Variants in DOCK3 observed in about 807,000 individuals in gnomAD.
The protein encoded by DOCK3 is dedicator of cytokinesis 3, also known as dedicator of cytokinesis protein 3.
A neutral mutation model predicts 265.6 loss-of-function variants in DOCK3; 60 were observed. That is an observed-to-expected ratio of 0.23 (90% CI 0.18 to 0.28). DOCK3 has a LOEUF of 0.28. DOCK3 is among the 10% of genes least tolerant of loss of function. The pLI is 1.00. For missense variants in DOCK3, 1,981 were observed against 2,594.3 expected (o/e 0.76, Z 5.14); for synonymous variants, 881 against 938.0 (o/e 0.94, Z 1.11).
chr3:50,797,720 T>TG (rs2042865112), intron 2 of DOCK3, among the ~76,000 whole-genome samples: 1 of 152,212 alleles, frequency 6.6e-6, no homozygotes. Flanking sequence ...CCATTTTAAC[T>TG]GGGGGTGAGA....
Position 51,381,376 on chromosome 3 carries a change from G to T in DOCK3, c.5910G>T (p.Pro1970=), listed in dbSNP as rs368779613. Residue 1970 remains proline (P), a synonymous_variant, in exon 53 of 53, where the codon CCG becomes CCT. Transcript: ENST00000266037. The surrounding 1 kb of genome is among the most constrained non-coding windows in gnomAD (Gnocchi z 5.6). ...GCVIPQDPMD[P]PALPPKPYHP... The stretch of plus-strand genomic sequence containing the variant: ...TCATCCCTCAGGACCCCATGGACCC[G>T]CCTGCGCTGCCGCCCAAGCCCTACC... The T allele has an allele frequency of 3.7e-6, 6 of 1,612,668 alleles. No individual in the cohort carries two copies. In the Admixed American group the frequency reaches 6.7e-5, roughly 18 times the overall value.
At chr3:50,794,102 T>G (rs1285572760) in intron 2 of DOCK3, among the ~76,000 whole-genome samples, 1 of 152,192 alleles carries the variant, frequency 6.6e-6, no homozygotes, top group Non-Finnish European at 1.5e-5. Context: ...ACAGAGTGGT[T>G]GTTATGATTT....
chr3:50,987,687 C>G (rs2077951979), intron 5 of DOCK3, among the ~76,000 whole-genome samples: 1 of 152,106 alleles, frequency 6.6e-6, no homozygotes, highest in South Asian at 2.1e-4. Context: ...CAATTTGACG[C>G]ATGGAGAACG....
chr3:50,878,739 C>T (rs2047856258), intron 3 of DOCK3, among the ~76,000 whole-genome samples: 2 of 152,140 alleles, frequency 1.3e-5, no homozygotes, highest in African/African-American at 4.8e-5. Context: ...CCCAAGCTAG[C>T]AAGGCAGGCC....
chr3:50,925,573 ATTTAGG>A (rs1382565529), intron 4 of DOCK3, among the ~76,000 whole-genome samples: 1 of 152,056 alleles, frequency 6.6e-6, no homozygotes, highest in African/African-American at 2.4e-5. Flanking sequence ...AAAAAGTTTT[ATTTAGG>A]AAAGCAGAAT....
chr3:51,306,553 T>C (rs561554387), intron 27 of DOCK3, among the ~76,000 whole-genome samples: 1 of 152,356 alleles, frequency 6.6e-6, no homozygotes, highest in South Asian at 2.1e-4. Context: ...CCCTTAATGA[T>C]GCCCCACAGG....
At chr3:51,175,515 C>T (rs2086894030) in intron 12 of DOCK3, among the ~76,000 whole-genome samples, 1 of 152,094 alleles carries the variant, frequency 6.6e-6, no homozygotes, top group Admixed American at 6.5e-5. Context: ...CTGGGAAAAG[C>T]TGGAGCCAGG....
intron 7 of DOCK3, among the ~76,000 whole-genome samples, chr3:51,085,245 C>T (rs2082378468): frequency 6.6e-6 from 1 of 152,202 alleles, no homozygotes; most frequent in East Asian, 1.9e-4. Context: ...TTCAGCATTA[C>T]ACTTTCAGCA....
chr3:51,160,470 T>C, intron 11 of DOCK3, 85 bp from the exon 12 acceptor site: 1 of 1,448,562 alleles, frequency 6.9e-7, no homozygotes, highest in East Asian at 2.4e-5. Context: ...TGCCTGTAGC[T>C]CAGGCATCCT....
chr3:50,759,010 A>G (rs1253528208), intron 1 of DOCK3, among the ~76,000 whole-genome samples: 2 of 152,194 alleles, frequency 1.3e-5, no homozygotes, highest in African/African-American at 4.8e-5. Context: ...CTGTTCATCT[A>G]TCAGTGGACA....
intron 4 of DOCK3, among the ~76,000 whole-genome samples, chr3:50,915,934 A>G (rs1478923018): frequency 6.6e-6 from 1 of 151,896 alleles, no homozygotes; most frequent in Non-Finnish European, 1.5e-5. Context: ...GTTGCTCTCA[A>G]CTTAGCTTGG....
At chr3:51,161,050 T>C (rs1438321506) in intron 12 of DOCK3, among the ~76,000 whole-genome samples, 2 of 136,182 alleles carry the variant, frequency 1.5e-5, no homozygotes, top group Non-Finnish European at 3.1e-5. Flanking sequence ...CACTCTAGCC[T>C]GGGCAACAGA....
chr3:50,982,143 CT>C (rs1288049352), intron 5 of DOCK3, among the ~76,000 whole-genome samples: 1 of 152,164 alleles, frequency 6.6e-6, no homozygotes, highest in Non-Finnish European at 1.5e-5. Context: ...ACCACTGCCC[CT>C]GGCCTTAGTC....
At chr3:51,079,160 T>C (rs2082144388) in intron 7 of DOCK3, among the ~76,000 whole-genome samples, 1 of 152,190 alleles carries the variant, frequency 6.6e-6, no homozygotes, top group Non-Finnish European at 1.5e-5. Context: ...ATACTTCTTG[T>C]CATTGATTTT....
At chr3:50,760,023 G>A (rs1475289691) in intron 1 of DOCK3, among the ~76,000 whole-genome samples, 1 of 151,530 alleles carries the variant, frequency 6.6e-6, no homozygotes, top group East Asian at 1.9e-4. Context: ...GATGAAGGCG[G>A]ACTCTTTTTT....
chr3:51,070,111 G>T (rs1251041472), intron 6 of DOCK3, among the ~76,000 whole-genome samples: 2 of 152,068 alleles, frequency 1.3e-5, no homozygotes, highest in Non-Finnish European at 2.9e-5. Context: ...CACTCTTTTG[G>T]CATTTTTTGC....
intron 5 of DOCK3, among the ~76,000 whole-genome samples, chr3:50,940,119 T>C (rs2076247569): frequency 7.1e-6 from 1 of 141,818 alleles, no homozygotes. Context: ...CAATGAATAA[T>C]TGAAAACTAA....
intron 32 of DOCK3, among the ~76,000 whole-genome samples, chr3:51,322,862 T>A (rs986948843): frequency 6.6e-6 from 1 of 151,886 alleles, no homozygotes; most frequent in Non-Finnish European, 1.5e-5. Flanking sequence ...ACTGGCAAAT[T>A]GGGTAAAGAG....
intron 2 of DOCK3, among the ~76,000 whole-genome samples, chr3:50,815,922 A>G (rs1008882795): frequency 1.3e-5 from 2 of 152,194 alleles, no homozygotes; most frequent in South Asian, 2.1e-4. Flanking sequence ...TAGAAAAAAC[A>G]CTTGACTGGT....
Sources: allele counts gnomAD v4.1 joint callset (sites outside exome capture counted in the v4.1 genomes callset), GRCh38; gene constraint gnomAD v4.1.1; non-coding constraint Gnocchi (gnomAD v3.1); transcripts MANE v1.5; gene names NCBI Gene and HGNC (gene_info 2026-07-23, HGNC 2026-07-21).